The following MET variants were observed in gnomAD, a reference collection of about 807,000 sequenced individuals.
MET encodes MET proto-oncogene, receptor tyrosine kinase.
MET carries 48 observed loss-of-function variants against 133.1 expected under a neutral mutation model. The ratio of observed to expected loss-of-function variants is 0.36; its 90% CI spans 0.29 to 0.46. The LOEUF (loss-of-function observed/expected upper bound fraction) is 0.46. Ranked by LOEUF, MET falls within the 20% of genes least tolerant of loss-of-function variation. MET has a pLI of 1.00. For synonymous variants in MET, 628 were observed against 616.5 expected, an observed-to-expected ratio of 1.02 and a Z score of -0.28; for missense variants, 1,442 against 1,695.9, an observed-to-expected ratio of 0.85 and a Z score of 2.63.
chr7:116,739,455 A>T (rs1054488209), intron 3 of MET, among the ~76,000 whole-genome samples: 2 of 152,200 alleles, frequency 1.3e-5, no homozygotes, highest in African/African-American at 2.4e-5. Flanking sequence ...ACCTGAAAAG[A>T]TCTATAAATG....
At position 116,700,274 on chromosome 7, in the gene MET, G is replaced by A. The variant is rs1018999843; in HGVS notation, c.1190G>A (p.Cys397Tyr). ...QHFYGPNHEH[C>Y]FNRTLLRNSS... ...TTTTACGGACCCAATCATGAGCACT[G>A]CTTTAATAGGGTAAGTCACATCAGT... The change falls in exon 2 of 21, where the codon TGC becomes TAC. Residue 397 changes from cysteine to tyrosine, a missense_variant. This residue lies in a region of MET where 762 missense variants were observed against 792.4 expected (regional missense o/e 0.96). Coordinates refer to ENST00000397752, the MANE Select transcript of MET (RefSeq NM_000245.4). 1.2e-6 allele frequency: 2 copies of A among 1,602,830 alleles called. No homozygotes were observed. Among genetic ancestry groups the A allele is most frequent in the African/African-American group, 1.3e-5 (1 of 74,528 alleles).
chr7:116,779,311 G>T (rs1795086349), intron 17 of MET, among the ~76,000 whole-genome samples: 1 of 152,158 alleles, frequency 6.6e-6, no homozygotes, highest in Admixed American at 6.5e-5. Flanking sequence ...AACTCTACAA[G>T]GCATTGAAAA....
intron 19 of MET, among the ~76,000 whole-genome samples, chr7:116,784,243 T>G (rs913379643): frequency 6.6e-5 from 10 of 152,326 alleles, no homozygotes; most frequent in African/African-American, 2.4e-4. Flanking sequence ...GAGAAAAATA[T>G]ACTTATACTA....
At chr7:116,723,017 G>A (rs2116722336) in intron 2 of MET, among the ~76,000 whole-genome samples, 1 of 147,418 alleles carries the variant, frequency 6.8e-6, no homozygotes, top group Middle Eastern at 3.4e-3. Context: ...TCCTGAATCT[G>A]AACGTTGGCC....
rs2116954537 is a variant in MET at position 116,763,100 on chromosome 7, C to T, written c.2415C>T (p.Ser805=). The change falls in exon 11 of 21, where the codon TCC becomes TCT. Residue 805 remains serine, a synonymous_variant. Transcript: ENST00000397752. ...AGATAATCTGTTGTACCACTCCTTC[C>T]CTGCAACAGCTGAATCTGCAACTCC... ...NSEIICCTTP[S]LQQLNLQLPL... 6.2e-7 allele frequency: 1 copy of T among 1,614,066 alleles called. No individual in the cohort carries two copies. Among genetic ancestry groups the T allele is most frequent in the South Asian group, 1.1e-5 (1 of 91,078 alleles).
At chr7:116,754,963 G>GAA in intron 5 of MET, among the ~76,000 whole-genome samples, 1 of 123,098 alleles carries the variant, frequency 8.1e-6, no homozygotes, top group Non-Finnish European at 1.7e-5. Context: ...GAAAGAAAGA[G>GAA]AAGGAAGGAA....
rs2116582927 is a variant in MET at position 116,699,292 on chromosome 7, A to G, written c.208A>G (p.Ile70Val). 1 of 1,614,000 alleles carries G rather than the reference A, an allele frequency of 6.2e-7. No homozygotes were observed. The highest frequency in any genetic ancestry group is 1.3e-5 in the African/African-American group (1 of 75,012). Residue 70 changes from isoleucine to valine, a missense_variant, in exon 2 of 21, where the codon ATT becomes GTT. By Grantham distance (29) the Ile-to-Val change is conservative. This residue lies in a region of MET where 762 missense variants were observed against 792.4 expected (regional missense o/e 0.96). Coordinates refer to ENST00000397752, the MANE Select transcript of MET (RefSeq NM_000245.4). Reference sequence around the variant, plus strand: ...CATTTTCCTTGGTGCCACTAACTACATTTATGTTTTAAATGAGGAAGACCT... The same window carrying G: ...CATTTTCCTTGGTGCCACTAACTACGTTTATGTTTTAAATGAGGAAGACCT... ...HHIFLGATNY[I>V]YVLNEEDLQK... is the part of the protein sequence containing the mutation.
intron 9 of MET, 96 bp from the exon 10 acceptor site, chr7:116,759,295 T>C (rs1794305217): frequency 3.9e-6 from 6 of 1,546,486 alleles, no homozygotes; most frequent in Non-Finnish European, 4.4e-6. Flanking sequence ...GCCTCTGACC[T>C]GTAATCAGTG....
At chr7:116,686,503 T>A (rs111614112) in intron 1 of MET, among the ~76,000 whole-genome samples, 136 of 152,290 alleles carry the variant, frequency 8.9e-4, no homozygotes, top group African/African-American at 3.2e-3. Flanking sequence ...ATCAGCTTGT[T>A]ATGGGTATTA....
intron 5 of MET, among the ~76,000 whole-genome samples, chr7:116,743,979 G>A (rs904369089): frequency 2.6e-5 from 4 of 152,138 alleles, no homozygotes; most frequent in South Asian, 4.1e-4. Flanking sequence ...CAAACAGAAA[G>A]CAATAGCATT....
At chr7:116,730,987 G>A (rs2116774480) in intron 2 of MET, among the ~76,000 whole-genome samples, 1 of 152,242 alleles carries the variant, frequency 6.6e-6, no homozygotes, top group East Asian at 1.9e-4. Flanking sequence ...TATTGTGAGA[G>A]ATTTATATAA....
In MET at chr7:116,796,122, T is replaced by C. The variant is rs1249739995; in HGVS notation, c.4171T>C (p.Ter1391GlnextTer2). The C allele has an allele frequency of 6.2e-7, 1 of 1,613,476 alleles. No individual in the cohort carries two copies. Among genetic ancestry groups the C allele is most frequent in the East Asian group, 2.2e-5 (1 of 44,888 alleles). The change falls in exon 21 of 21, where the codon TAG becomes CAG. Residue 1391 changes from the stop codon to glutamine, a stop_lost. Transcript: ENST00000397752. ...ACCAGCCTCCTTCTGGGAGACATCA[T>C]AGTGCTAGTACTATGTCAAAGCAAC... is the stretch of plus-strand genomic sequence containing the variant. Reference protein sequence around the residue: ...TRPASFWETS* With the variant: ...TRPASFWETSQ
rs587780736 is a variant in MET at position 116,769,636 on chromosome 7, T to TCC, written c.2584-8_2584-7dup. The TCC allele has an allele frequency of 1.2e-6, 2 of 1,601,212 alleles. No homozygotes were observed. Among genetic ancestry groups the TCC allele is most frequent in the African/African-American group, 2.8e-5 (2 of 71,744 alleles). The stretch of plus-strand genomic sequence containing the variant: ...TGTTAACAACCTTTTTTTTTTTTTT[T>TCC]CCTTTCAGGGAAATGATATTGACCC... On this transcript the variant is annotated splice_polypyrimidine_tract_variant and intron_variant, in intron 11 of 20. Coordinates refer to ENST00000397752, the MANE Select transcript of MET (RefSeq NM_000245.4).
At chr7:116,677,977 CTCTCTCTCTG>C (rs1286648579) in intron 1 of MET, among the ~76,000 whole-genome samples, 2 of 28,936 alleles carry the variant, frequency 6.9e-5, no homozygotes, top group African/African-American at 6.2e-4. Context: ...CTTTCTCTCT[CTCTCTCTCTG>C]TCTCTCTCTC....
At chr7:116,732,807 A>G (rs879744409) in intron 3 of MET, among the ~76,000 whole-genome samples, 1 of 151,400 alleles carries the variant, frequency 6.6e-6, no homozygotes, top group African/African-American at 2.4e-5. Context: ...TTTAATTACC[A>G]CTCTCTTTAT....
chr7:116,738,492 A>G (rs1175792179), intron 3 of MET, among the ~76,000 whole-genome samples: 1 of 152,184 alleles, frequency 6.6e-6, no homozygotes, highest in Admixed American at 6.5e-5. Context: ...AATAGTTTCC[A>G]ACCTTTCCCA....
intron 5 of MET, among the ~76,000 whole-genome samples, chr7:116,750,245 T>C (rs1483096799): frequency 1.3e-5 from 2 of 151,958 alleles, no homozygotes; most frequent in Admixed American, 6.6e-5. Context: ...TATAGACCAA[T>C]GGAACAGAAC....
At chr7:116,793,177 C>CTT (rs551063692) in intron 19 of MET, among the ~76,000 whole-genome samples, 84 of 141,874 alleles carry the variant, frequency 5.9e-4, no homozygotes, top group Admixed American at 8.5e-4. Flanking sequence ...AACGCACTTT[C>CTT]TTTTTTTTTT....
At position 116,759,626 on chromosome 7, in the gene MET, G is replaced by A. The variant is rs976243701; in HGVS notation, c.2364+136G>A. The A allele has an allele frequency of 4.0e-6, 4 of 1,007,242 alleles. No individual in the cohort carries two copies. In the African/African-American group the frequency reaches 6.4e-5, roughly 16 times the overall value. 62.4% of individuals were successfully genotyped at this position (1,007,242 alleles called of 1,614,324 possible). ...AATTTCCTTGCAGTGTAGCCAAGTA[G>A]TATTTTTTATTTAATAACTGAAATT... On this transcript the variant is annotated intron_variant, in intron 10 of 20. Transcript: ENST00000397752.
Sources: allele counts gnomAD v4.1 joint callset (sites outside exome capture counted in the v4.1 genomes callset), GRCh38; gene constraint gnomAD v4.1.1; regional missense constraint gnomAD v4.1.1; transcripts MANE v1.5; gene names NCBI Gene and HGNC (gene_info 2026-07-23, HGNC 2026-07-21).